Variants in STX18 observed in about 807,000 individuals in gnomAD.
STX18 encodes the protein syntaxin-18.
Under a neutral mutation model 50.1 loss-of-function variants are expected in STX18, and 40 were observed. The ratio of observed to expected loss-of-function variants is 0.80; its 90% CI spans 0.62 to 1.04. The LOEUF (loss-of-function observed/expected upper bound fraction) is 1.04, where lower values mean the gene tolerates loss of function less well. Ranked by LOEUF, STX18 falls within the 50% of genes least tolerant of loss-of-function variation. STX18 has a pLI of 0.00. For missense variants in STX18, 410 were observed against 415.8 expected (o/e 0.99, Z 0.12); for synonymous variants, 158 against 151.8 (o/e 1.04, Z -0.30).
chr4:4,540,848 G>T (rs1731553192), intron 1 of STX18, among the ~76,000 whole-genome samples: 1 of 152,180 alleles, frequency 6.6e-6, no homozygotes, highest in Non-Finnish European at 1.5e-5. Flanking sequence ...AGTGCCAAGT[G>T]TATGCCAAGC....
intron 1 of STX18, among the ~76,000 whole-genome samples, chr4:4,505,588 T>C (rs1729663523): frequency 6.6e-6 from 1 of 150,948 alleles, no homozygotes; most frequent in Admixed American, 6.6e-5. Flanking sequence ...GAGACCAGCC[T>C]GGCCAACACG....
At chr4:4,539,285 C>A (rs988046389) in intron 1 of STX18, among the ~76,000 whole-genome samples, 4 of 152,214 alleles carry the variant, frequency 2.6e-5, no homozygotes, top group Non-Finnish European at 5.9e-5. Context: ...TTAAGTCTGA[C>A]AACCAGGGCT....
chr4:4,531,176 C>CA (rs1560213264), intron 1 of STX18, among the ~76,000 whole-genome samples: 1 of 151,846 alleles, frequency 6.6e-6, no homozygotes, highest in Non-Finnish European at 1.5e-5. Flanking sequence ...CACACACACA[C>CA]CCTGGACTAA....
At chr4:4,524,275 T>C (rs1254873802) in intron 1 of STX18, among the ~76,000 whole-genome samples, 2 of 152,224 alleles carry the variant, frequency 1.3e-5, no homozygotes. Flanking sequence ...CATCTCTTGT[T>C]GGCCACCCCC....
At position 4,485,443 on chromosome 4, in the gene STX18, A is replaced by G. The variant is rs143279494; in HGVS notation, c.169-13737T>C. Among the ~76,000 whole-genome samples, 331 of 152,308 alleles carry G rather than the reference A, an allele frequency of 2.2e-3. 6 individuals carry two copies. Among genetic ancestry groups the G allele is most frequent in the East Asian group, 0.012 (60 of 5,182 alleles). ...CTCTGGACTTCAACACATTCTTGCA[A>G]TGGGTTCAAACCAGCCAGTGCCCCC... is the stretch of plus-strand genomic sequence containing the variant. On this transcript the variant is annotated intron_variant, in intron 1 of 10. Coordinates refer to ENST00000306200, the MANE Select transcript of STX18 (RefSeq NM_016930.4).
intron 1 of STX18, among the ~76,000 whole-genome samples, chr4:4,517,110 T>G (rs1730303599): frequency 6.6e-6 from 1 of 152,186 alleles, no homozygotes; most frequent in Admixed American, 6.5e-5. Flanking sequence ...CTCCCGACTG[T>G]ATCAAACAAT....
chr4:4,534,247 T>C (rs1011658370), intron 1 of STX18, among the ~76,000 whole-genome samples: 2 of 152,252 alleles, frequency 1.3e-5, no homozygotes, highest in African/African-American at 4.8e-5. Flanking sequence ...CACCACATGC[T>C]GTCTTAATAA....
At position 4,513,351 on chromosome 4, in the gene STX18, G is replaced by A. The variant is rs190499028; in HGVS notation, c.168+28446C>T. On this transcript the variant is annotated intron_variant, in intron 1 of 10. Coordinates refer to ENST00000306200, the MANE Select transcript of STX18 (RefSeq NM_016930.4). ...TCTTCCAGTAGAAGTAGACTCAAGC[G>A]CCTGATTACAGCTTTATCCCAGAAG... 2.6e-5 allele frequency among the ~76,000 whole-genome samples: 4 copies of A among 152,270 alleles called. No homozygotes were observed. In the East Asian group the frequency reaches 7.7e-4, roughly 29 times the overall value.
intron 2 of STX18, among the ~76,000 whole-genome samples, chr4:4,468,495 C>T (rs1031267318): frequency 6.6e-6 from 1 of 152,038 alleles, no homozygotes; most frequent in Non-Finnish European, 1.5e-5. Context: ...CAGCATCGCT[C>T]CTGCCTTCCC....
Position 4,420,699 on chromosome 4 carries a change from TG to T in STX18, c.912+164del, listed in dbSNP as rs1183887614. The T allele has an allele frequency of 1.6e-6, 1 of 631,124 alleles. No individual in the cohort carries two copies. The highest frequency in any genetic ancestry group is 1.8e-5 in the African/African-American group (1 of 54,160). The allele number at this position is 631,124 out of a possible 1,614,324, so 39.1% of individuals were successfully genotyped here. On this transcript the variant is annotated intron_variant, in intron 10 of 10. Transcript: ENST00000306200. This position sits in a 1 kb window ranked among gnomAD's most constrained non-coding sequence, Gnocchi z 4.3. ...GCAGCTGGAGGTGGGCGACAGGTGG[TG>T]GGTCTCATGAACACACGCAGCTCCG...
At chr4:4,465,753 T>C (rs537912645) in intron 2 of STX18, among the ~76,000 whole-genome samples, 1 of 152,308 alleles carries the variant, frequency 6.6e-6, no homozygotes, top group Admixed American at 6.5e-5. Flanking sequence ...CCTACACATG[T>C]ACCCAGGAAC....
chr4:4,538,407 T>C (rs1055692060), intron 1 of STX18, among the ~76,000 whole-genome samples: 2 of 152,176 alleles, frequency 1.3e-5, no homozygotes, highest in African/African-American at 4.8e-5. Flanking sequence ...AGACAGTACT[T>C]CTGCACCACC....
At chr4:4,538,852 C>T (rs975269718) in intron 1 of STX18, among the ~76,000 whole-genome samples, 1 of 152,054 alleles carries the variant, frequency 6.6e-6, no homozygotes, top group African/African-American at 2.4e-5. Context: ...ATCAAATTCC[C>T]ATTGCAGAGT....
chr4:4,420,415 G>GT lies in STX18; in HGVS notation c.913-287_913-286insA. 2 of 443,922 alleles carry GT rather than the reference G, an allele frequency of 4.5e-6. No homozygotes were observed. The highest frequency in any genetic ancestry group is 5.5e-5 in the South Asian group (2 of 36,634). 27.5% of individuals were successfully genotyped at this position (443,922 alleles called of 1,614,324 possible). On this transcript the variant is annotated intron_variant, in intron 10 of 10. Coordinates refer to ENST00000306200, the MANE Select transcript of STX18 (RefSeq NM_016930.4). This position sits in a 1 kb window ranked among gnomAD's most constrained non-coding sequence, Gnocchi z 4.3. ...GGGTTAAGGGCCCCGAGCAGAGTGTGACCGCAAGCTTTGTGTTTCCCAGTA... is the reference window on the plus strand; with the variant it reads ...GGGTTAAGGGCCCCGAGCAGAGTGTGTACCGCAAGCTTTGTGTTTCCCAGTA...
rs1731619345 is a variant in STX18 at position 4,541,882 on chromosome 4, C to T, written c.83G>A (p.Gly28Asp). The T allele has an allele frequency of 6.2e-7, 1 of 1,606,628 alleles. No individual in the cohort carries two copies. The stretch of plus-strand genomic sequence containing the variant: ...GTCCCGGCTGCCATCGACCCCGCCG[C>T]CCACCGCCACTCCCAGCGCCTTGTT... Reference protein sequence around the residue: ...TRNKALGVAVGGGVDGSRDEL... With the variant: ...TRNKALGVAVDGGVDGSRDEL... The change falls in exon 1 of 11, where the codon GGC becomes GAC. Residue 28 changes from glycine (G) to aspartate (D), a missense_variant. Gly to Asp is a moderately conservative substitution (Grantham distance 94, BLOSUM62 -1). Transcript: ENST00000306200.
chr4:4,521,282 G>A (rs1426038600), intron 1 of STX18, among the ~76,000 whole-genome samples: 2 of 152,158 alleles, frequency 1.3e-5, no homozygotes, highest in South Asian at 2.1e-4. Context: ...CTATACAGAC[G>A]TATTATGAAG....
Position 4,419,682 on chromosome 4 carries a change from G to A in STX18, c.*352C>T. 5.0e-6 allele frequency: 1 copy of A among 198,316 alleles called. No homozygotes were observed. Among genetic ancestry groups the A allele is most frequent in the Non-Finnish European group, 1.0e-5 (1 of 97,298 alleles). 12.3% of individuals were successfully genotyped at this position (198,316 alleles called of 1,614,324 possible). A position where few individuals can be genotyped will look rare whatever the true frequency, so the allele number is the denominator to read the frequency against. ...AGGTCAGTGTCTTCCTTTGAACCCT[G>A]AGACAATTAGGGGCTCTTGAGGCCT... On this transcript the variant is annotated 3_prime_UTR_variant, in exon 11 of 11. Transcript: ENST00000306200.
intron 7 of STX18, among the ~76,000 whole-genome samples, chr4:4,434,092 T>C (rs564566554): frequency 6.6e-6 from 1 of 152,376 alleles, no homozygotes; most frequent in African/African-American, 2.4e-5. Flanking sequence ...GCACAGTCAC[T>C]GGAGGCGTGC....
chr4:4,542,085 C>T (rs1731639389), upstream of STX18: 3 of 1,244,770 alleles, frequency 2.4e-6, no homozygotes, highest in Non-Finnish European at 3.2e-6. Flanking sequence ...GCAACGGCGA[C>T]GCGAGAAGAA....
Sources: gnomAD v4.1 joint callset for allele counts (sites outside exome capture counted in the v4.1 genomes callset) on GRCh38, gnomAD v4.1.1 for gene constraint, Gnocchi (gnomAD v3.1) non-coding constraint, MANE v1.5 for transcripts, NCBI Gene and HGNC (gene_info 2026-07-23, HGNC 2026-07-21) for gene names.